Variants in PPARGC1A observed in about 807,000 individuals in gnomAD.
The protein encoded by PPARGC1A is peroxisome proliferator-activated receptor gamma coactivator 1-alpha.
In PPARGC1A, 25 loss-of-function variants were observed where a neutral mutation model predicts 88.7. The ratio of observed to expected loss-of-function variants is 0.28; its 90% confidence interval spans 0.21 to 0.39. PPARGC1A has a LOEUF of 0.39. Ranked by LOEUF, PPARGC1A falls within the 10% of genes least tolerant of loss-of-function variation. The probability of loss-of-function intolerance (pLI) is 1.00; values close to 1 mark genes in which losing one functional copy is unlikely to be tolerated. For synonymous variants in PPARGC1A, 363 were observed against 355.6 expected (o/e 1.02, Z -0.24); for missense variants, 880 against 968.7 (o/e 0.91, Z 1.22).
the PPARGC1A span, among the ~76,000 whole-genome samples, chr4:24,339,233 T>C: frequency 0.53 from 62,992 of 118,752 alleles, 17,402 homozygotes; most frequent in Admixed American, 0.67. Flanking sequence ...TATATATATA[T>C]ATATACACAC....
chr4:24,265,681 T>A, the PPARGC1A span, among the ~76,000 whole-genome samples: 6 of 152,128 alleles, frequency 3.9e-5, no homozygotes, highest in East Asian at 1.9e-4. Context: ...TTATATATGC[T>A]GCTTTCCATG....
chr4:23,982,902 C>T, the PPARGC1A span, among the ~76,000 whole-genome samples: 1 of 152,008 alleles, frequency 6.6e-6, no homozygotes, highest in Non-Finnish European at 1.5e-5. Context: ...AAACTACAGC[C>T]CATGGGCCGA....
chr4:24,386,850 C>G, the PPARGC1A span, among the ~76,000 whole-genome samples: 1 of 152,188 alleles, frequency 6.6e-6, no homozygotes, highest in East Asian at 1.9e-4. Context: ...CTATTCCCAT[C>G]AAGCTACCAT....
the PPARGC1A span, among the ~76,000 whole-genome samples, chr4:24,212,844 G>C: frequency 1.3e-5 from 2 of 152,168 alleles, no homozygotes; most frequent in African/African-American, 4.8e-5. Flanking sequence ...AGACAACAAT[G>C]GTTGTGTCCC....
At chr4:24,068,648 C>A in the PPARGC1A span, among the ~76,000 whole-genome samples, 1 of 152,142 alleles carries the variant, frequency 6.6e-6, no homozygotes, top group Non-Finnish European at 1.5e-5. Flanking sequence ...GGTGTCAGAA[C>A]AGGACTCACA....
the PPARGC1A span, among the ~76,000 whole-genome samples, chr4:24,411,727 A>T: frequency 6.6e-6 from 1 of 152,140 alleles, no homozygotes. Flanking sequence ...TGTCTCCATC[A>T]CATTGCCTTT....
intron 7 of PPARGC1A, 137 bp downstream of exon 7, chr4:23,824,143 G>T: frequency 5.9e-6 from 4 of 676,438 alleles, no homozygotes; most frequent in Non-Finnish European, 9.6e-6. Flanking sequence ...GGAAATATTT[G>T]CAGATAACTT....
At chr4:24,096,114 T>C in the PPARGC1A span, among the ~76,000 whole-genome samples, 1 of 152,200 alleles carries the variant, frequency 6.6e-6, no homozygotes, top group African/African-American at 2.4e-5. Flanking sequence ...TAGTGGGTTC[T>C]CATGAGATCT....
At chr4:24,176,483 A>C in the PPARGC1A span, among the ~76,000 whole-genome samples, 1 of 152,148 alleles carries the variant, frequency 6.6e-6, no homozygotes, top group Admixed American at 6.5e-5. Context: ...GAGCCAGGAG[A>C]TCTTCAAAGG....
the PPARGC1A span, among the ~76,000 whole-genome samples, chr4:24,424,364 C>T: frequency 6.7e-6 from 1 of 149,088 alleles, no homozygotes; most frequent in Non-Finnish European, 1.5e-5. Flanking sequence ...CAAGCTCCAC[C>T]TCCCGGGTTC....
the PPARGC1A span, among the ~76,000 whole-genome samples, chr4:24,298,186 G>T: frequency 6.8e-6 from 1 of 147,874 alleles, no homozygotes; most frequent in African/African-American, 2.5e-5. Flanking sequence ...ATTACCAAAT[G>T]AAAAAAAAAA....
chr4:24,032,649 G>T, the PPARGC1A span, among the ~76,000 whole-genome samples: 1 of 152,204 alleles, frequency 6.6e-6, no homozygotes, highest in Non-Finnish European at 1.5e-5. Context: ...CTCCTTTGGG[G>T]CCAAGCTCTA....
the PPARGC1A span, among the ~76,000 whole-genome samples, chr4:24,312,633 C>CAAAA: frequency 7.9e-6 from 1 of 126,014 alleles, no homozygotes; most frequent in East Asian, 2.4e-4. Flanking sequence ...TTTCATCAAC[C>CAAAA]AAAAAAAAAA....
the PPARGC1A span, among the ~76,000 whole-genome samples, chr4:24,083,509 C>A: frequency 2.0e-5 from 3 of 152,140 alleles, no homozygotes; most frequent in Non-Finnish European, 4.4e-5. Flanking sequence ...ACTTAGAACA[C>A]TTTTATACCA....
upstream of PPARGC1A, among the ~76,000 whole-genome samples, chr4:23,894,462 G>C (rs1718280626): frequency 6.6e-6 from 1 of 151,668 alleles, no homozygotes; most frequent in Admixed American, 6.6e-5. Flanking sequence ...CATTTTGCTT[G>C]AAAAAAATGC....
the PPARGC1A span, among the ~76,000 whole-genome samples, chr4:24,073,373 TC>T: frequency 6.6e-6 from 1 of 152,178 alleles, no homozygotes; most frequent in African/African-American, 2.4e-5. Context: ...CCCTCTGCAC[TC>T]AATGATCAAA....
rs1406620206 is a variant in PPARGC1A at position 23,829,538 on chromosome 4, A to G, written c.477T>C (p.Asn159=). Residue 159 remains asparagine (N), a synonymous_variant, in exon 4 of 13, where the codon AAT becomes AAC. Coordinates refer to ENST00000264867, the MANE Select transcript of PPARGC1A (RefSeq NM_013261.5). ...TCTGGGTACTGAGACCACTGCATTC[A>G]TTATAACTTAGCTGAGTGTTGGCTG... is the stretch of plus-strand genomic sequence containing the variant. ...LAPANTQLSY[N]ECSGLSTQNH... is the part of the protein sequence containing the mutation. 1.2e-6 allele frequency: 2 copies of G among 1,613,460 alleles called. No individual in the cohort carries two copies. Among genetic ancestry groups the G allele is most frequent in the Admixed American group, 1.7e-5 (1 of 60,018 alleles).
chr4:24,318,254 C>A, the PPARGC1A span, among the ~76,000 whole-genome samples: 1 of 152,154 alleles, frequency 6.6e-6, no homozygotes, highest in South Asian at 2.1e-4. Context: ...GACCAGCCTG[C>A]ACATATGACT....
the PPARGC1A span, among the ~76,000 whole-genome samples, chr4:24,265,552 A>G: frequency 6.6e-6 from 1 of 152,188 alleles, no homozygotes; most frequent in Admixed American, 6.6e-5. Context: ...TGAGCAATGC[A>G]TTACTTTCAT....
Sources: allele counts gnomAD v4.1 joint callset (sites outside exome capture counted in the v4.1 genomes callset), GRCh38; gene constraint gnomAD v4.1.1; transcripts MANE v1.5; gene names NCBI Gene and HGNC (gene_info 2026-07-23, HGNC 2026-07-21).